The following ABCG8 variants were observed in gnomAD, a reference collection of about 807,000 sequenced individuals.
ABCG8 encodes the protein ATP binding cassette subfamily G member 8.
ABCG8 carries 81 observed loss-of-function variants against 71.3 expected under a neutral mutation model. The ratio of observed to expected loss-of-function variants is 1.14; its 90% CI spans 0.95 to 1.37. The LOEUF (loss-of-function observed/expected upper bound fraction) is 1.37, where lower values mean the gene tolerates loss of function less well. ABCG8 is among the 40% of genes most tolerant of loss of function. ABCG8 has a pLI of 0.00. For synonymous variants in ABCG8, 451 were observed against 354.7 expected (o/e 1.27, Z -3.05); for missense variants, 1,119 against 866.2 (o/e 1.29, Z -3.66).
At chr2:43,852,175 G>C (rs555500328) in intron 4 of ABCG8, among the ~76,000 whole-genome samples, 179 bp from the exon 5 acceptor site, 1 of 152,340 alleles carries the variant, frequency 6.6e-6, no homozygotes, top group South Asian at 2.1e-4. Context: ...GAGGCCCCTC[G>C]GGACCTGTGG....
chr2:43,852,611 T>C lies in ABCG8; in HGVS notation c.707T>C (p.Leu236Pro), dbSNP rs760050865. The change falls in exon 6 of 13, where the codon CTC becomes CCC. Residue 236 changes from leucine to proline, a missense_variant. By Grantham distance (98) the Leu-to-Pro change is moderately conservative. Transcript: ENST00000272286. ...QLLWNPGILI[L>P]DEPTSGLDSF... is the part of the protein sequence containing the mutation. ...CTGTGTTGGAAAGGAATCCTTATTC[T>C]CGACGAACCCACCTCTGGGCTCGAC... The C allele has an allele frequency of 4.3e-6, 7 of 1,614,126 alleles. No homozygotes were observed. The highest frequency in any genetic ancestry group is 5.9e-6 in the Non-Finnish European group (7 of 1,180,002).
rs1173124891 is a variant in ABCG8 at position 43,852,404 on chromosome 2, C to T, written c.612C>T (p.Arg204=). 12 of 1,612,326 alleles carry T rather than the reference C, an allele frequency of 7.4e-6. No homozygotes were observed. Among genetic ancestry groups the T allele is most frequent in the East Asian group, 2.2e-5 (1 of 44,884 alleles). ...GGCTTAGGCAGTGCGCTGACACCCG[C>T]GTGGGCAACATGTACGTGCGGGGGT... ...ELRLRQCADT[R]VGNMYVRGLS... The change falls in exon 5 of 13, where the codon CGC becomes CGT. Residue 204 remains arginine (R), a synonymous_variant. Transcript: ENST00000272286.
At position 43,872,297 on chromosome 2, in the gene ABCG8, C is replaced by G; in HGVS notation, c.1202C>G (p.Thr401Arg). Residue 401 changes from threonine (T) to arginine (R), a missense_variant, in exon 8 of 13, where the codon ACG becomes AGG. Transcript: ENST00000272286. ...KMPGAVQQFT[T>R]LIRRQISNDF... Reference sequence around the variant, plus strand: ...CCTGGGGCGGTGCAGCAGTTTACGACGCTGATCCGGTAATTATCTGTCATT... The same window carrying G: ...CCTGGGGCGGTGCAGCAGTTTACGAGGCTGATCCGGTAATTATCTGTCATT... 1 of 1,613,740 alleles carries G rather than the reference C, an allele frequency of 6.2e-7. No homozygotes were observed. Among genetic ancestry groups the G allele is most frequent in the Non-Finnish European group, 8.5e-7 (1 of 1,179,950 alleles).
intron 1 of ABCG8, among the ~76,000 whole-genome samples, chr2:43,839,401 CTCTTTTTTTTTTTTTTTTTTTTT>C (rs1668482610): frequency 2.7e-5 from 2 of 74,738 alleles, no homozygotes; most frequent in African/African-American, 8.8e-5. Flanking sequence ...TTCTTTTCTT[CTCTTTTTTTTTTTTTTTTTTTTT>C]TTTTTTTTTT....
intron 6 of ABCG8, among the ~76,000 whole-genome samples, chr2:43,865,724 T>C: frequency 6.6e-6 from 1 of 152,032 alleles, no homozygotes; most frequent in East Asian, 1.9e-4. Context: ...ACTCTCACTG[T>C]CTATCTGGAT....
chr2:43,874,291 T>A lies in ABCG8; in HGVS notation c.1412-116T>A, dbSNP rs4952689. 4.2e-3 allele frequency: 4,036 copies of A among 969,190 alleles called. 114 individuals carry two copies. The African/African-American group carries it at 0.059, about 14-fold the overall frequency. The allele number at this position is 969,190 out of a possible 1,614,324, so 60.0% of individuals were successfully genotyped here. ...ACTGTGCCTATTTAAAAAAAAAAATTAGAGACTTGGGCAATATGATAACTA... is the reference window on the plus strand; with the variant it reads ...ACTGTGCCTATTTAAAAAAAAAAATAAGAGACTTGGGCAATATGATAACTA... On this transcript the variant is annotated intron_variant, in intron 9 of 12. Transcript: ENST00000272286.
intron 7 of ABCG8, 30 bp downstream of exon 7, chr2:43,872,168 G>A (rs371876826): frequency 6.2e-7 from 1 of 1,614,046 alleles, no homozygotes; most frequent in South Asian, 1.1e-5. Flanking sequence ...TGAGAGGAGA[G>A]CTCCCTGCAG....
At chr2:43,874,086 T>C in intron 9 of ABCG8, 100 bp downstream of exon 9, 2 of 1,241,164 alleles carry the variant, frequency 1.6e-6, no homozygotes, top group East Asian at 4.6e-5. Flanking sequence ...ATTGTGATTG[T>C]GATATATAAG....
rs931929563 is a variant in ABCG8 at position 43,882,462 on chromosome 2, A to T, written c.*4549A>T. ...CTGAGGAAGCGTGCAAGGAACTGGA[A>T]TGCGGGGAAAGTGATGAAATATTTT... On this transcript the variant is annotated 3_prime_UTR_variant, in exon 13 of 13. Transcript: ENST00000272286. 3 of 152,236 alleles carry T rather than the reference A, an allele frequency of 2.0e-5. No homozygotes were observed. Among genetic ancestry groups the T allele is most frequent in the Non-Finnish European group, 2.9e-5 (2 of 68,052 alleles). 9.4% of individuals were successfully genotyped at this position (152,236 alleles called of 1,614,324 possible). A position where few individuals can be genotyped will look rare whatever the true frequency, so the allele number is the denominator to read the frequency against.
In ABCG8 at chr2:43,869,442, TCTCA is replaced by T. The variant is rs574344554; in HGVS notation, c.965-2531_965-2528del. On this transcript the variant is annotated intron_variant, in intron 6 of 12. Coordinates refer to ENST00000272286, the MANE Select transcript of ABCG8 (RefSeq NM_022437.3). ...AGATTTCTCACTCTCTGGATAGAACTCTCACTATCTATCTGGATAGAATTCTCAC... is the reference window on the plus strand; with the variant it reads ...AGATTTCTCACTCTCTGGATAGAACTCTATCTATCTGGATAGAATTCTCAC... 3.3e-3 allele frequency among the ~76,000 whole-genome samples: 497 copies of T among 152,156 alleles called. 8 individuals are homozygous for T. The highest frequency in any genetic ancestry group is 0.011 in the African/African-American group (477 of 41,502).
Position 43,846,330 on chromosome 2 carries a change from G to A in ABCG8, c.322+19G>A, listed in dbSNP as rs1004307949. The A allele has an allele frequency of 6.2e-6, 10 of 1,614,022 alleles. No homozygotes were observed. Among genetic ancestry groups the A allele is most frequent in the Non-Finnish European group, 6.8e-6 (8 of 1,179,952 alleles). On this transcript the variant is annotated intron_variant, in intron 3 of 12. Transcript: ENST00000272286. ...AGCTCAGGTACCGGAAAGGCAAATC[G>A]CTGGGCAATGGTTTCTCTCCTGGGA...
intron 3 of ABCG8, among the ~76,000 whole-genome samples, chr2:43,850,764 T>C (rs1187039556): frequency 6.6e-6 from 1 of 152,032 alleles, no homozygotes; most frequent in African/African-American, 2.4e-5. Flanking sequence ...AATACAAAAA[T>C]TAGCCGGGCA....
chr2:43,860,543 C>G (rs1669274589), intron 6 of ABCG8, among the ~76,000 whole-genome samples: 1 of 151,334 alleles, frequency 6.6e-6, no homozygotes. Context: ...TTCTCACTCT[C>G]TCGATTGAAG....
chr2:43,852,247 C>G (rs1572834900), intron 4 of ABCG8, 107 bp from the exon 5 acceptor site: 2 of 1,529,540 alleles, frequency 1.3e-6, no homozygotes, highest in Non-Finnish European at 1.8e-6. Flanking sequence ...TCTCCCTTCA[C>G]TTTCAAACCC....
intron 4 of ABCG8, 140 bp downstream of exon 4, chr2:43,851,962 G>A (rs1668933171): frequency 2.0e-6 from 2 of 980,854 alleles, no homozygotes; most frequent in Non-Finnish European, 1.6e-6. Flanking sequence ...CCAGCCCTGG[G>A]CTGCAGCCCA....
intron 3 of ABCG8, among the ~76,000 whole-genome samples, chr2:43,850,484 G>T (rs1356369493): frequency 6.6e-6 from 1 of 152,210 alleles, no homozygotes; most frequent in Non-Finnish European, 1.5e-5. Context: ...GTTTGGGGAT[G>T]CACAAGTAGG....
In ABCG8 at chr2:43,872,229, G is replaced by A. The variant is rs749233960; in HGVS notation, c.1134G>A (p.Val378=). 3.1e-6 allele frequency: 5 copies of A among 1,613,986 alleles called. No homozygotes were observed. The highest frequency in any genetic ancestry group is 4.2e-6 in the Non-Finnish European group (5 of 1,180,024). The change falls in exon 8 of 13, where the codon GTG becomes GTA. Residue 378 remains valine (V), a synonymous_variant. Transcript: ENST00000272286. ...CACATCTTCTGCCTCCCAGCAGCGT[G>A]ACCCCACTAGACACCAACTGCCTCC... The part of the protein sequence containing the change: ...LDEDTCVESS[V]TPLDTNCLPS...
At chr2:43,853,578 G>A (rs1447902838) in intron 6 of ABCG8, among the ~76,000 whole-genome samples, 2 of 152,168 alleles carry the variant, frequency 1.3e-5, no homozygotes, top group African/African-American at 4.8e-5. Context: ...CTTCCACCCA[G>A]GATGGCAAAC....
At position 43,877,976 on chromosome 2, in the gene ABCG8, C is replaced by T. The variant is rs969838311; in HGVS notation, c.*63C>T. ...GCAGACCCTTCAACTGCACTCCCTC[C>T]TCAGGAGCCCCTTCCTGGGGACAGT... is the stretch of plus-strand genomic sequence containing the variant. On this transcript the variant is annotated 3_prime_UTR_variant, in exon 13 of 13. Coordinates refer to ENST00000272286, the MANE Select transcript of ABCG8 (RefSeq NM_022437.3). 4.7e-5 allele frequency: 75 copies of T among 1,611,046 alleles called. No individual in the cohort carries two copies. The African/African-American group carries it at 9.1e-4, about 20-fold the overall frequency.
Sources: allele counts gnomAD v4.1 joint callset (sites outside exome capture counted in the v4.1 genomes callset), GRCh38; gene constraint gnomAD v4.1.1; transcripts MANE v1.5; gene names NCBI Gene and HGNC (gene_info 2026-07-23, HGNC 2026-07-21).